The following PTPRM variants were observed in gnomAD, a reference collection of about 807,000 sequenced individuals.
The protein encoded by PTPRM is protein tyrosine phosphatase receptor type M.
Under a neutral mutation model 186.7 loss-of-function variants are expected in PTPRM, and 47 were observed. The observed-to-expected ratio is 0.25, with a 90% CI of 0.20 to 0.32. The LOEUF (loss-of-function observed/expected upper bound fraction) is 0.32, where lower values mean the gene tolerates loss of function less well. Among genes scored for constraint, PTPRM ranks in the 10% least tolerant of loss-of-function variants. The pLI is 1.00. For synonymous variants in PTPRM, 668 were observed against 674.9 expected, an observed-to-expected ratio of 0.99 and a Z score of 0.16; for missense variants, 1,494 against 1,865.0, an observed-to-expected ratio of 0.80 and a Z score of 3.66.
chr18:8,185,423 G>T (rs1234581239), intron 14 of PTPRM, among the ~76,000 whole-genome samples: 1 of 152,222 alleles, frequency 6.6e-6, no homozygotes, highest in Non-Finnish European at 1.5e-5. Flanking sequence ...CTTGCTCGGG[G>T]TCCTGTGACT....
At chr18:8,051,471 A>G (rs547287780) in intron 7 of PTPRM, among the ~76,000 whole-genome samples, 2 of 152,316 alleles carry the variant, frequency 1.3e-5, no homozygotes, top group South Asian at 4.1e-4. Flanking sequence ...GGTAGCCAAT[A>G]TCTTCATTTT....
chr18:8,240,390 C>G (rs989009080), intron 14 of PTPRM, among the ~76,000 whole-genome samples: 5 of 146,416 alleles, frequency 3.4e-5, no homozygotes, highest in Admixed American at 2.1e-4. Context: ...GAGCCGAGAT[C>G]GCACCACTGC....
At chr18:7,611,989 C>G (rs1316956124) in intron 1 of PTPRM, among the ~76,000 whole-genome samples, 1 of 152,232 alleles carries the variant, frequency 6.6e-6, no homozygotes, top group Non-Finnish European at 1.5e-5. Flanking sequence ...GATGTTCACA[C>G]AATGACAAAA....
chr18:7,568,925 T>G lies in PTPRM; in HGVS notation c.73+1034T>G, dbSNP rs2036504687. On this transcript the variant is annotated intron_variant, in intron 1 of 32. Transcript: ENST00000580170. The surrounding 1 kb of genome is among the most constrained non-coding windows in gnomAD (Gnocchi z 5.1). Reference sequence around the variant, plus strand: ...TGCTGGCCCATTTGCACACCTTCTTTCTAGTGTTTATTAGATTAGTTTCAT... The same window carrying G: ...TGCTGGCCCATTTGCACACCTTCTTGCTAGTGTTTATTAGATTAGTTTCAT... Among the ~76,000 whole-genome samples the G allele has an allele frequency of 1.3e-5, 2 of 152,146 alleles. No homozygotes were observed. The highest frequency in any genetic ancestry group is 6.5e-5 in the Admixed American group (1 of 15,280).
intron 7 of PTPRM, among the ~76,000 whole-genome samples, chr18:8,061,386 C>T (rs1333951526): frequency 7.0e-6 from 1 of 142,302 alleles, no homozygotes; most frequent in East Asian, 2.0e-4. Context: ...ATACAGCACA[C>T]TGATGGGTCT....
chr18:7,914,020 A>G (rs1471670723), intron 4 of PTPRM, among the ~76,000 whole-genome samples: 1 of 152,170 alleles, frequency 6.6e-6, no homozygotes, highest in Non-Finnish European at 1.5e-5. Flanking sequence ...TTCCTTATTA[A>G]TTTGTGTAGT....
chr18:7,938,180 C>T (rs1175776233), intron 5 of PTPRM, among the ~76,000 whole-genome samples: 1 of 152,190 alleles, frequency 6.6e-6, no homozygotes, highest in Non-Finnish European at 1.5e-5. Flanking sequence ...CACATACACA[C>T]ATTTAAAGAC....
intron 9 of PTPRM, among the ~76,000 whole-genome samples, chr18:8,078,895 G>A (rs907197067): frequency 2.6e-4 from 39 of 152,086 alleles, no homozygotes; most frequent in African/African-American, 8.7e-4. Flanking sequence ...CAAGGGGGTG[G>A]CCCAAAGCCG....
At chr18:8,233,303 G>C (rs897767318) in intron 14 of PTPRM, among the ~76,000 whole-genome samples, 1 of 152,180 alleles carries the variant, frequency 6.6e-6, no homozygotes, top group Non-Finnish European at 1.5e-5. Flanking sequence ...GAGGAGTCTT[G>C]TTGCTCTATA....
At chr18:7,972,882 T>G (rs926498962) in intron 7 of PTPRM, among the ~76,000 whole-genome samples, 46 of 152,262 alleles carry the variant, frequency 3.0e-4, no homozygotes, top group African/African-American at 1.1e-3. Context: ...TAAGCTCATT[T>G]AGGTGTGTAA....
intron 14 of PTPRM, among the ~76,000 whole-genome samples, chr18:8,192,021 ATTTAT>A (rs1179910032): frequency 2.0e-5 from 3 of 151,714 alleles, no homozygotes; most frequent in Non-Finnish European, 4.4e-5. Flanking sequence ...CTTTATTTAG[ATTTAT>A]TTTATTATTA....
chr18:8,302,979 T>C (rs1198052989), intron 20 of PTPRM, among the ~76,000 whole-genome samples: 2 of 152,010 alleles, frequency 1.3e-5, no homozygotes, highest in South Asian at 4.2e-4. Flanking sequence ...TGCTGTGAAA[T>C]CTGAAAGAGA....
At position 7,948,779 on chromosome 18, in the gene PTPRM, GGTCA is replaced by G. The variant is rs540539132; in HGVS notation, c.664-399_664-396del. Among the ~76,000 whole-genome samples, 364 of 152,242 alleles carry G rather than the reference GGTCA, an allele frequency of 2.4e-3. 1 individual carries two copies. The highest frequency in any genetic ancestry group is 8.4e-3 in the African/African-American group (348 of 41,536). On this transcript the variant is annotated intron_variant, in intron 5 of 32. Transcript: ENST00000580170. ...GTTTATTACTTCATTTATAAAATGA[GGTCA>G]GTAATAGGATAGTGGGTGAGCTACT...
rs1172800628 is a variant in PTPRM, at chr18:8,179,477, C to CT, written c.2300+35710dup. 1.2e-3 allele frequency among the ~76,000 whole-genome samples: 152 copies of CT among 123,854 alleles called. 1 individual carries two copies. Among genetic ancestry groups the CT allele is most frequent in the East Asian group, 4.9e-3 (21 of 4,294 alleles). 81.3% of individuals were successfully genotyped at this position (123,854 alleles called of 152,430 possible). Reference sequence around the variant, plus strand: ...TATCCCTCTTTTTTTTTTTTCTTTTCTTTTTTTTTTTTAGATGGCGCCTTG... The same window carrying CT: ...TATCCCTCTTTTTTTTTTTTCTTTTCTTTTTTTTTTTTTAGATGGCGCCTTG... On this transcript the variant is annotated intron_variant, in intron 14 of 32. Coordinates refer to ENST00000580170, the MANE Select transcript of PTPRM (RefSeq NM_001105244.2).
chr18:7,991,202 T>C (rs1599907909), intron 7 of PTPRM, among the ~76,000 whole-genome samples: 1 of 152,212 alleles, frequency 6.6e-6, no homozygotes, highest in East Asian at 1.9e-4. Flanking sequence ...CCTCACTCAC[T>C]GTTAAACATG....
At chr18:7,827,354 C>T (rs2045539427) in intron 2 of PTPRM, among the ~76,000 whole-genome samples, 1 of 152,116 alleles carries the variant, frequency 6.6e-6, no homozygotes. Context: ...TAGCTGAAGC[C>T]TTGTAGCCCT....
chr18:7,909,935 C>T (rs1429247923), intron 4 of PTPRM, among the ~76,000 whole-genome samples: 1 of 152,144 alleles, frequency 6.6e-6, no homozygotes, highest in African/African-American at 2.4e-5. Context: ...TTGATATGCA[C>T]ACTAAAAATA....
chr18:8,343,796 CATGA>C (rs1192432170), intron 23 of PTPRM, among the ~76,000 whole-genome samples: 12 of 152,224 alleles, frequency 7.9e-5, no homozygotes, highest in African/African-American at 2.9e-4. Flanking sequence ...TACCTCTAAG[CATGA>C]ATGCTGATTG....
intron 3 of PTPRM, among the ~76,000 whole-genome samples, chr18:7,898,149 A>G (rs756478203): frequency 1.3e-5 from 2 of 152,142 alleles, no homozygotes; most frequent in African/African-American, 2.4e-5. Flanking sequence ...ACTTTACTGT[A>G]TATGTTTTAT....
Sources: allele counts gnomAD v4.1 joint callset (sites outside exome capture counted in the v4.1 genomes callset), GRCh38; gene constraint gnomAD v4.1.1; non-coding constraint Gnocchi (gnomAD v3.1); transcripts MANE v1.5; gene names NCBI Gene and HGNC (gene_info 2026-07-23, HGNC 2026-07-21).